FAAH2: variants seen among roughly 807,000 people sequenced by gnomAD.
FAAH2 encodes the protein fatty-acid amide hydrolase 2.
FAAH2 carries 60 observed loss-of-function variants against 36.9 expected under a neutral mutation model. The ratio of observed to expected loss-of-function variants is 1.63; its 90% CI spans 1.32 to 2.02. The LOEUF (loss-of-function observed/expected upper bound fraction) is 2.02, where lower values mean the gene tolerates loss of function less well. FAAH2 is among the 30% of genes most tolerant of loss of function. The probability of loss-of-function intolerance (pLI) is 0.00; values close to 1 mark genes in which losing one functional copy is unlikely to be tolerated. For synonymous variants in FAAH2, 214 were observed against 143.8 expected, an observed-to-expected ratio of 1.49 and a Z score of -3.49; for missense variants, 689 against 397.5, an observed-to-expected ratio of 1.73 and a Z score of -6.23.
intron 7 of FAAH2, among the ~76,000 whole-genome samples, chrX:57,383,319 TG>T (rs1322948636): frequency 1.8e-5 from 2 of 111,954 alleles, no homozygotes; most frequent in Admixed American, 1.9e-4. Context: ...TTGGAAGTTC[TG>T]GTCAGGGAAA....
the FAAH2 span, among the ~76,000 whole-genome samples, chrX:57,239,760 G>C: frequency 1.8e-5 from 2 of 111,325 alleles, no homozygotes; most frequent in African/African-American, 6.5e-5. Flanking sequence ...CTTTCTGATA[G>C]AGTTGATTTG....
chrX:57,220,865 G>C, the FAAH2 span, among the ~76,000 whole-genome samples: 56 of 111,938 alleles, frequency 5.0e-4, 1 homozygote, highest in African/African-American at 1.7e-3. Flanking sequence ...TCCTGAGCTA[G>C]CCAAAACCTC....
chrX:57,166,247 A>T, the FAAH2 span, among the ~76,000 whole-genome samples: 1 of 108,941 alleles, frequency 9.2e-6, no homozygotes, highest in Non-Finnish European at 1.9e-5. Context: ...AAAACCATAC[A>T]CTCCTTCTCC....
chrX:57,150,401 C>T, the FAAH2 span, among the ~76,000 whole-genome samples: 1 of 111,775 alleles, frequency 8.9e-6, no homozygotes, highest in East Asian at 2.8e-4. Context: ...TTCTAAGTCT[C>T]TTTGTAGGTC....
At chrX:57,454,969 C>G (rs1354438521) in intron 10 of FAAH2, among the ~76,000 whole-genome samples, 1 of 111,089 alleles carries the variant, frequency 9.0e-6, no homozygotes, top group Non-Finnish European at 1.9e-5. Context: ...AGATACTACA[C>G]AAGATGACAA....
At chrX:57,484,337 A>G (rs1369485275) in intron 10 of FAAH2, among the ~76,000 whole-genome samples, 1 of 110,884 alleles carries the variant, frequency 9.0e-6, no homozygotes, top group Non-Finnish European at 1.9e-5. Flanking sequence ...TCCAATGATG[A>G]CTACAGGCAC....
At chrX:57,359,670 G>GT (rs2054241457) in intron 5 of FAAH2, among the ~76,000 whole-genome samples, 1 of 111,676 alleles carries the variant, frequency 9.0e-6, no homozygotes, top group Non-Finnish European at 1.9e-5. Flanking sequence ...TTATTTTCAT[G>GT]TTTTTGTCCT....
At chrX:57,362,784 A>G (rs7051567) in intron 5 of FAAH2, among the ~76,000 whole-genome samples, 1 of 111,869 alleles carries the variant, frequency 8.9e-6, no homozygotes, top group African/African-American at 3.2e-5. Context: ...GGTGAAATGT[A>G]TTTTGCACAT....
At chrX:57,447,798 C>T (rs1474025827) in intron 9 of FAAH2, among the ~76,000 whole-genome samples, 2 of 111,716 alleles carry the variant, frequency 1.8e-5, no homozygotes, top group Admixed American at 9.4e-5. Context: ...TCCTCTTAGG[C>T]CTCTGAACCT....
At position 57,391,833 on chromosome X, in the gene FAAH2, AT is replaced by A. The variant is rs779710039; in HGVS notation, c.996+10812del. ...TTTTTTGTTTTATATGTATTCTAGG[AT>A]TTTTTTTCTAATTCTGTGAAAAATT... On this transcript the variant is annotated intron_variant, in intron 7 of 10. Transcript: ENST00000374900. Among the ~76,000 whole-genome samples, 42 of 109,060 alleles carry A rather than the reference AT, an allele frequency of 3.9e-4. No individual in the cohort carries two copies. The East Asian group carries it at 6.3e-3, about 16-fold the overall frequency. 94.7% of individuals were successfully genotyped at this position (109,060 alleles called of 115,157 possible).
the FAAH2 span, among the ~76,000 whole-genome samples, chrX:57,270,898 C>T: frequency 1.4e-4 from 16 of 112,132 alleles, no homozygotes; most frequent in Non-Finnish European, 2.3e-4. Flanking sequence ...AACTGGGTGG[C>T]CAGTTGGGCA....
chrX:57,180,636 C>T, the FAAH2 span, among the ~76,000 whole-genome samples: 1 of 110,865 alleles, frequency 9.0e-6, no homozygotes, highest in African/African-American at 3.3e-5. Flanking sequence ...AGCCTGCCAA[C>T]CAAACAACAA....
At chrX:57,417,680 C>A (rs760000562) in intron 7 of FAAH2, among the ~76,000 whole-genome samples, 3 of 111,808 alleles carry the variant, frequency 2.7e-5, no homozygotes, top group Admixed American at 9.5e-5. Flanking sequence ...CTGCTTGGAG[C>A]TGTCTCCCAG....
At chrX:57,421,483 C>T (rs773325591) in intron 7 of FAAH2, among the ~76,000 whole-genome samples, 2 of 111,394 alleles carry the variant, frequency 1.8e-5, no homozygotes, top group African/African-American at 3.3e-5. Flanking sequence ...TCTGATATCA[C>T]GGTGCCAGTA....
intron 3 of FAAH2, among the ~76,000 whole-genome samples, chrX:57,327,900 G>T (rs2053266305): frequency 9.0e-6 from 1 of 111,605 alleles, no homozygotes; most frequent in African/African-American, 3.2e-5. Flanking sequence ...CATTCCTTTG[G>T]AAGAGGAGTG....
the FAAH2 span, among the ~76,000 whole-genome samples, chrX:57,172,435 G>T: frequency 9.1e-6 from 1 of 110,445 alleles, no homozygotes; most frequent in Non-Finnish European, 1.9e-5. Context: ...CAGTGTCTAG[G>T]TATGGATGTT....
At chrX:57,228,612 C>T in the FAAH2 span, among the ~76,000 whole-genome samples, 2 of 111,188 alleles carry the variant, frequency 1.8e-5, no homozygotes, top group African/African-American at 3.3e-5. Flanking sequence ...CAATGCAAGC[C>T]TCCGTATGCT....
chrX:57,448,728 T>G lies in FAAH2; in HGVS notation c.1423+10T>G. 1 of 1,170,303 alleles carries G rather than the reference T, an allele frequency of 8.5e-7. No individual in the cohort carries two copies. Among genetic ancestry groups the G allele is most frequent in the Non-Finnish European group, 1.2e-6 (1 of 862,070 alleles). ...AACTTTGCTTACACAGGTACCTAAT[T>G]GTATTCCTTACATTCTGTAATCTTA... On this transcript the variant is annotated intron_variant, in intron 10 of 10. Transcript: ENST00000374900.
chrX:57,275,657 T>A, the FAAH2 span, among the ~76,000 whole-genome samples: 2 of 111,843 alleles, frequency 1.8e-5, no homozygotes, highest in Admixed American at 9.5e-5. Context: ...GACCTGCTAG[T>A]GTGCTGTATT....
Sources: gnomAD v4.1 joint callset for allele counts (sites outside exome capture counted in the v4.1 genomes callset) on GRCh38, gnomAD v4.1.1 for gene constraint, MANE v1.5 for transcripts, NCBI Gene and HGNC (gene_info 2026-07-23, HGNC 2026-07-21) for gene names.